CYP4F8: variants seen among roughly 807,000 people sequenced by gnomAD.
CYP4F8 encodes the protein cytochrome P450 family 4 subfamily F member 8, also known as cytochrome P450 4F8.
In CYP4F8, 56 loss-of-function variants were observed where a neutral mutation model predicts 55.0. The ratio of observed to expected loss-of-function variants is 1.02; its 90% CI spans 0.82 to 1.27. CYP4F8 has a LOEUF of 1.27. CYP4F8 is among the 50% of genes most tolerant of loss of function. The pLI is 0.00. For synonymous variants in CYP4F8, 288 were observed against 267.3 expected (o/e 1.08, Z -0.76); for missense variants, 680 against 682.4 (o/e 1.00, Z 0.04).
chr19:15,617,342 C>T (rs896144475), intron 2 of CYP4F8, among the ~76,000 whole-genome samples: 3 of 152,182 alleles, frequency 2.0e-5, no homozygotes, highest in Non-Finnish European at 4.4e-5. Context: ...GAGATTACCC[C>T]TATGTGCGCA....
intron 8 of CYP4F8, 29 bp downstream of exon 8, chr19:15,623,794 G>A (rs1972226606): frequency 1.2e-6 from 2 of 1,612,468 alleles, no homozygotes; most frequent in Admixed American, 3.3e-5. Flanking sequence ...GGCTACAGTG[G>A]GGACAGGGGT....
chr19:15,617,879 G>T, intron 2 of CYP4F8, 121 bp from the exon 3 acceptor site: 1 of 1,255,446 alleles, frequency 8.0e-7, no homozygotes. Flanking sequence ...TCCTTCAAAT[G>T]CTAATCTCTC....
intron 6 of CYP4F8, 32 bp from the exon 7 acceptor site, chr19:15,623,073 A>G: frequency 6.3e-7 from 1 of 1,599,034 alleles, no homozygotes; most frequent in African/African-American, 1.3e-5. Context: ...GTGGGTAAGG[A>G]GCTGCTTCCT....
At position 15,623,168 on chromosome 19, in the gene CYP4F8, C is replaced by T. The variant is rs767698316; in HGVS notation, c.711C>T (p.Asn237=). The T allele has an allele frequency of 6.2e-7, 1 of 1,614,028 alleles. No individual in the cohort carries two copies. Among genetic ancestry groups the T allele is most frequent in the Non-Finnish European group, 8.5e-7 (1 of 1,180,024 alleles). Residue 237 remains asparagine (N), a synonymous_variant, in exon 7 of 13, where the codon AAC becomes AAT. Transcript: ENST00000612078. ...GTGCCCTTGTAGTGAAACGGAATAA[C>T]CAGTTCTTCCGGTACAAGGACTTCC... ...ELSALVVKRN[N]QFFRYKDFLY... is the part of the protein sequence containing the mutation.
At chr19:15,618,306 CCTCAGTGTCTTTTCT>C in intron 3 of CYP4F8, 162 bp downstream of exon 3, 1 of 1,100,768 alleles carries the variant, frequency 9.1e-7, no homozygotes, top group Non-Finnish European at 1.4e-6. Flanking sequence ...CCAACCCCAA[CCTCAGTGTCTTTTCT>C]CTCTGCTGCC....
intron 11 of CYP4F8, 48 bp downstream of exon 11, chr19:15,628,643 G>C: frequency 6.2e-7 from 1 of 1,608,908 alleles, no homozygotes; most frequent in African/African-American, 1.3e-5. Flanking sequence ...GTCGGGGGAG[G>C]GGTCTTGTCC....
At chr19:15,615,494 C>T in intron 1 of CYP4F8, 122 bp from the exon 2 acceptor site, 1 of 1,168,228 alleles carries the variant, frequency 8.6e-7, no homozygotes, top group East Asian at 2.7e-5. Flanking sequence ...TGGCCTCTTC[C>T]CCTGAGATTC....
In CYP4F8 at chr19:15,615,715, C is replaced by T. The variant is rs1189831211; in HGVS notation, c.99C>T (p.Arg33=). 1 of 1,614,146 alleles carries T rather than the reference C, an allele frequency of 6.2e-7. No individual in the cohort carries two copies. The highest frequency in any genetic ancestry group is 1.3e-5 in the African/African-American group (1 of 75,044). ...LVVGASWLLA[R]ILAWTYAFYH... Reference sequence around the variant, plus strand: ...TCGGGGCCTCCTGGCTCCTGGCCCGCATCCTGGCCTGGACCTATGCCTTCT... The same window carrying T: ...TCGGGGCCTCCTGGCTCCTGGCCCGTATCCTGGCCTGGACCTATGCCTTCT... Residue 33 remains arginine, a synonymous_variant, in exon 2 of 13, where the codon CGC becomes CGT. Transcript: ENST00000612078.
At chr19:15,615,335 GA>G (rs1419928442) in intron 1 of CYP4F8, 55 bp downstream of exon 1, 2 of 310,900 alleles carry the variant, frequency 6.4e-6, no homozygotes, top group Non-Finnish European at 1.2e-5. Flanking sequence ...CCAAGACTGG[GA>G]TGGCTCCAGG....
chr19:15,616,236 C>CACTCATTCCTCTCCTCGCT (rs71333396), intron 2 of CYP4F8, among the ~76,000 whole-genome samples: 3 of 51,746 alleles, frequency 5.8e-5, no homozygotes, highest in East Asian at 1.1e-3. Flanking sequence ...CTCTCCTCAC[C>CACTCATTCCTCTCCTCGCT]CACTCATTCC....
chr19:15,628,423 G>A lies in CYP4F8; in HGVS notation c.1237G>A (p.Val413Ile), dbSNP rs1972290177. Residue 413 changes from valine (V) to isoleucine (I), a missense_variant, in exon 10 of 13, where the codon GTC (valine) becomes ATC (isoleucine). By Grantham distance (29) the Val-to-Ile change is conservative. Coordinates refer to ENST00000612078, the MANE Select transcript of CYP4F8 (RefSeq NM_007253.4). ...GGACGTGGTGCTCCCAGACAGCCGA[G>A]TCATCCCCAAAGGTGCCCTCCATGG... ...TQDVVLPDSR[V>I]IPKGNVCNIN... 5 of 1,614,000 alleles carry A rather than the reference G, an allele frequency of 3.1e-6. No homozygotes were observed. The highest frequency in any genetic ancestry group is 4.2e-6 in the Non-Finnish European group (5 of 1,180,024).
intron 11 of CYP4F8, 48 bp downstream of exon 11, chr19:15,628,643 G>A (rs988416305): frequency 1.2e-6 from 2 of 1,608,908 alleles, no homozygotes; most frequent in Non-Finnish European, 1.7e-6. Flanking sequence ...GTCGGGGGAG[G>A]GGTCTTGTCC....
At chr19:15,625,278 T>C (rs150261489) in intron 9 of CYP4F8, among the ~76,000 whole-genome samples, 14 of 150,918 alleles carry the variant, frequency 9.3e-5, no homozygotes, top group Non-Finnish European at 1.6e-4. Context: ...GAATATTTTG[T>C]CCTTGTGTCA....
intron 2 of CYP4F8, among the ~76,000 whole-genome samples, chr19:15,616,481 T>G (rs4239611): frequency 0.59 from 89,943 of 152,036 alleles, 27,059 homozygotes; most frequent in Non-Finnish European, 0.65. Flanking sequence ...GTATTCACCA[T>G]TATTTCCACA....
rs1568383456 is a variant in CYP4F8 at position 15,622,443 on chromosome 19, TGAG to T, written c.647+104_647+106del. On this transcript the variant is annotated intron_variant, in intron 6 of 12. Transcript: ENST00000612078. ...AAGAAGAGCCTTCCTGGAGAGATGA[TGAG>T]AACTAGGCATTGAAGGACAAAGAAG... The T allele has an allele frequency of 4.7e-6, 7 of 1,489,910 alleles. No homozygotes were observed. In the South Asian group the frequency reaches 6.0e-5, roughly 13 times the overall value. 92.3% of individuals were successfully genotyped at this position (1,489,910 alleles called of 1,614,324 possible).
chr19:15,622,944 G>A (rs931992426), intron 6 of CYP4F8, 161 bp from the exon 7 acceptor site: 6 of 799,698 alleles, frequency 7.5e-6, no homozygotes, highest in Non-Finnish European at 1.2e-5. Flanking sequence ...TGGGGACCTG[G>A]GGCAGGAGGC....
In CYP4F8 at chr19:15,619,749, C is replaced by A; in HGVS notation, c.512C>A (p.Ala171Glu). 1 of 1,614,116 alleles carries A rather than the reference C, an allele frequency of 6.2e-7. No individual in the cohort carries two copies. The change falls in exon 5 of 13, where the codon GCA (alanine) becomes GAA (glutamate). Residue 171 changes from alanine (A) to glutamate (E), a missense_variant. Physicochemically the swap from Ala to Glu is moderately radical, Grantham distance 107. Coordinates refer to ENST00000612078, the MANE Select transcript of CYP4F8 (RefSeq NM_007253.4). ...KPYIKIFSKS[A>E]NIMHAKWQRL... is the part of the protein sequence containing the mutation. ...TATATAAAGATTTTCAGCAAGAGTGCAAACATCATGCATGTGAGTGCCTTG... is the reference window on the plus strand; with the variant it reads ...TATATAAAGATTTTCAGCAAGAGTGAAAACATCATGCATGTGAGTGCCTTG...
At chr19:15,615,910 A>AACTCATTCATTCCTCTGATC (rs1972110096) in intron 2 of CYP4F8, 96 bp downstream of exon 2, 1 of 749,450 alleles carries the variant, frequency 1.3e-6, no homozygotes, top group East Asian at 3.1e-5. Context: ...ACGGCAGAGA[A>AACTCATTCATTCCTCTGATC]ACTCACTCAT....
At chr19:15,618,502 T>C in intron 3 of CYP4F8, 1 of 379,342 alleles carries the variant, frequency 2.6e-6, no homozygotes, top group Non-Finnish European at 5.1e-6. Context: ...TGACAGAGCA[T>C]AGGAGAACAA....
Sources: gnomAD v4.1 joint callset for allele counts (sites outside exome capture counted in the v4.1 genomes callset) on GRCh38, gnomAD v4.1.1 for gene constraint, MANE v1.5 for transcripts, NCBI Gene and HGNC (gene_info 2026-07-23, HGNC 2026-07-21) for gene names.